RAB30: variants seen among roughly 807,000 people sequenced by gnomAD.
RAB30 encodes the protein RAB30, member RAS oncogene family.
RAB30 carries 9 observed loss-of-function variants against 25.1 expected under a neutral mutation model. The ratio of observed to expected loss-of-function variants is 0.36; its 90% confidence interval spans 0.22 to 0.63. RAB30 has a LOEUF of 0.63. Ranked by LOEUF, RAB30 falls within the 20% of genes least tolerant of loss-of-function variation. The probability of loss-of-function intolerance (pLI) is 0.69; values close to 1 mark genes in which losing one functional copy is unlikely to be tolerated. For missense variants in RAB30, 140 were observed against 243.5 expected (o/e 0.58, Z 2.83); for synonymous variants, 77 against 86.4 (o/e 0.89, Z 0.60).
chr11:83,047,910 T>A (rs1858268078), intron 1 of RAB30, among the ~76,000 whole-genome samples: 1 of 152,172 alleles, frequency 6.6e-6, no homozygotes, highest in African/African-American at 2.4e-5. Flanking sequence ...TACGTATAAA[T>A]CACAAAGTTG....
At chr11:82,998,923 G>T (rs1365501368) in intron 1 of RAB30, among the ~76,000 whole-genome samples, 1 of 152,138 alleles carries the variant, frequency 6.6e-6, no homozygotes, top group Non-Finnish European at 1.5e-5. Context: ...AGGCTTGTAG[G>T]GCAGAGAGGA....
chr11:83,043,546 C>T (rs963703150), intron 1 of RAB30, among the ~76,000 whole-genome samples: 3 of 152,104 alleles, frequency 2.0e-5, no homozygotes, highest in East Asian at 1.9e-4. Context: ...ATTTCTAAGG[C>T]ATGATAATGG....
chr11:83,047,358 T>C (rs1813495489), intron 1 of RAB30, among the ~76,000 whole-genome samples: 1 of 152,184 alleles, frequency 6.6e-6, no homozygotes, highest in Admixed American at 6.5e-5. Flanking sequence ...TAAAGCTATC[T>C]AGAAAGAGCT....
intron 1 of RAB30, among the ~76,000 whole-genome samples, chr11:83,055,352 C>T (rs1176457692): frequency 1.3e-5 from 2 of 152,228 alleles, no homozygotes; most frequent in Non-Finnish European, 2.9e-5. Context: ...ATGGCTGGGA[C>T]ACCCACAATT....
intron 1 of RAB30, among the ~76,000 whole-genome samples, chr11:83,024,910 C>T (rs965345788): frequency 6.6e-6 from 1 of 152,146 alleles, no homozygotes; most frequent in Non-Finnish European, 1.5e-5. Context: ...CTATTTCTTT[C>T]CTCCTGGAGG....
intron 1 of RAB30, among the ~76,000 whole-genome samples, chr11:83,045,817 C>T (rs1858221747): frequency 6.6e-6 from 1 of 152,182 alleles, no homozygotes; most frequent in African/African-American, 2.4e-5. Context: ...TGAGTGGTTA[C>T]ACTAGGTATC....
chr11:83,040,163 G>C (rs1170519234), intron 1 of RAB30, among the ~76,000 whole-genome samples: 3 of 152,154 alleles, frequency 2.0e-5, no homozygotes, highest in African/African-American at 7.2e-5. Context: ...CAAGTGAAAG[G>C]CTACCCTTGG....
intron 2 of RAB30, among the ~76,000 whole-genome samples, chr11:82,995,608 C>T (rs1481373999): frequency 2.0e-5 from 3 of 151,944 alleles, no homozygotes; most frequent in Non-Finnish European, 1.5e-5. Flanking sequence ...AGGGGTAAAA[C>T]GTAGACATAA....
chr11:83,060,747 C>T (rs1479387212), intron 1 of RAB30, among the ~76,000 whole-genome samples: 1 of 152,048 alleles, frequency 6.6e-6, no homozygotes, highest in Non-Finnish European at 1.5e-5. Context: ...TTAAGAAATA[C>T]CTAGAAACCT....
rs552418475 is a variant in RAB30, at chr11:82,980,915, G to A, written c.*1250C>T. 6.6e-6 allele frequency: 1 copy of A among 152,260 alleles called. No individual in the cohort carries two copies. The highest frequency in any genetic ancestry group is 2.4e-5 in the African/African-American group (1 of 41,538). 9.4% of individuals were successfully genotyped at this position (152,260 alleles called of 1,614,324 possible). ...AGAAAGAAAAAAGAAAGAACATATG[G>A]TTAAGCGTCTGAAGGTAACATTATT... On this transcript the variant is annotated 3_prime_UTR_variant, in exon 5 of 5. Transcript: ENST00000527633.
intron 1 of RAB30, among the ~76,000 whole-genome samples, chr11:83,061,189 A>G (rs986277052): frequency 6.6e-5 from 10 of 152,036 alleles, no homozygotes; most frequent in African/African-American, 2.4e-4. Flanking sequence ...ACACGAGCCT[A>G]TCGCCCTAAC....
chr11:83,070,639 T>A (rs1281744274), intron 1 of RAB30, among the ~76,000 whole-genome samples: 1 of 151,976 alleles, frequency 6.6e-6, no homozygotes, highest in African/African-American at 2.4e-5. Flanking sequence ...AAGTAACATA[T>A]CTATTGCCCT....
At position 83,061,710 on chromosome 11, in the gene RAB30, C is replaced by CTTT. The variant is rs569263010; in HGVS notation, c.-9+9978_-9+9980dup. Among the ~76,000 whole-genome samples, 186 of 79,866 alleles carry CTTT rather than the reference C, an allele frequency of 2.3e-3. 8 individuals are homozygous for CTTT. Among genetic ancestry groups the CTTT allele is most frequent in the African/African-American group, 7.8e-3 (157 of 20,160 alleles). 52.4% of individuals were successfully genotyped at this position (79,866 alleles called of 152,430 possible). Reference sequence around the variant, plus strand: ...TAGGTGGGATTTTTTTCTTTCTTTTCTTTTTTTTTTTTTTTTTTTTTTTAA... The same window carrying CTTT: ...TAGGTGGGATTTTTTTCTTTCTTTTCTTTTTTTTTTTTTTTTTTTTTTTTTTAA... On this transcript the variant is annotated intron_variant, in intron 1 of 4. Coordinates refer to ENST00000527633, the MANE Select transcript of RAB30 (RefSeq NM_001286060.2).
intron 1 of RAB30, among the ~76,000 whole-genome samples, chr11:83,061,599 C>CGT (rs911396576): frequency 2.0e-5 from 3 of 150,656 alleles, no homozygotes; most frequent in African/African-American, 7.3e-5. Context: ...TGTGTGCACA[C>CGT]GTGTGTGTGT....
At chr11:83,030,381 C>T (rs2121513680) in intron 1 of RAB30, among the ~76,000 whole-genome samples, 1 of 151,840 alleles carries the variant, frequency 6.6e-6, no homozygotes, top group South Asian at 2.1e-4. Context: ...GCCTGTAGTC[C>T]CAGCTTCTTG....
chr11:83,012,935 C>A (rs758443525), intron 1 of RAB30, among the ~76,000 whole-genome samples: 2 of 152,172 alleles, frequency 1.3e-5, no homozygotes, highest in Admixed American at 6.5e-5. Flanking sequence ...ACTCACAGGG[C>A]TCATCTCTCT....
At position 82,978,569 on chromosome 11, in the gene RAB30, T is replaced by C. The variant is rs1246575559; in HGVS notation, c.*3596A>G. ...TGGCTTAAAAGAAGATGTTTCACTT[T>C]AGTAGGAAGACCAATTCAAACATCA... is the stretch of plus-strand genomic sequence containing the variant. On this transcript the variant is annotated 3_prime_UTR_variant, in exon 5 of 5. Transcript: ENST00000527633. The C allele has an allele frequency of 1.3e-5, 2 of 152,120 alleles. No individual in the cohort carries two copies. The highest frequency in any genetic ancestry group is 4.8e-5 in the African/African-American group (2 of 41,444). The allele number at this position is 152,120 out of a possible 1,614,324, so 9.4% of individuals were successfully genotyped here.
At chr11:83,054,874 AAAAAGAAAAACG>A (rs1288233043) in intron 1 of RAB30, among the ~76,000 whole-genome samples, 1 of 152,172 alleles carries the variant, frequency 6.6e-6, no homozygotes, top group African/African-American at 2.4e-5. Flanking sequence ...CTCAAAAACA[AAAAAGAAAAACG>A]AAAAGAAAGC....
chr11:83,040,024 G>T (rs1225462561), intron 1 of RAB30, among the ~76,000 whole-genome samples: 7 of 152,144 alleles, frequency 4.6e-5, no homozygotes, highest in African/African-American at 1.7e-4. Flanking sequence ...CTGTTAATAA[G>T]AGTATAAGGT....
Sources: gnomAD v4.1 joint callset for allele counts (sites outside exome capture counted in the v4.1 genomes callset) on GRCh38, gnomAD v4.1.1 for gene constraint, MANE v1.5 for transcripts, NCBI Gene and HGNC (gene_info 2026-07-23, HGNC 2026-07-21) for gene names.